KSR2: variants seen among roughly 807,000 people sequenced by gnomAD.
The protein encoded by KSR2 is kinase suppressor of ras 2.
KSR2 carries 25 observed loss-of-function variants against 107.8 expected under a neutral mutation model. The ratio of observed to expected loss-of-function variants is 0.23; its 90% confidence interval spans 0.17 to 0.32. The LOEUF (loss-of-function observed/expected upper bound fraction) is 0.32, where lower values mean the gene tolerates loss of function less well. Among genes scored for constraint, KSR2 ranks in the 10% least tolerant of loss-of-function variants. The pLI, the probability that KSR2 is intolerant of heterozygous loss-of-function variation, is 1.00. For synonymous variants in KSR2, 480 were observed against 507.0 expected (o/e 0.95, Z 0.71); for missense variants, 887 against 1,268.9 (o/e 0.70, Z 4.57).
rs1875016184 is a variant in KSR2 at position 117,524,959 on chromosome 12, G to C, written c.2112C>G (p.Leu704=). Residue 704 remains leucine (L), a synonymous_variant, in exon 14 of 20, where the codon CTC becomes CTG. Coordinates refer to ENST00000339824, the MANE Select transcript of KSR2 (RefSeq NM_173598.6). Reference sequence around the variant, plus strand: ...CCATCACCTCCCGCTTGAAGGCCTTGAGCTGGTCCTCGTTGTCCCTCTCAA... The same window carrying C: ...CCATCACCTCCCGCTTGAAGGCCTTCAGCTGGTCCTCGTTGTCCCTCTCAA... ...IDIERDNEDQ[L]KAFKREVMAY... is the part of the protein sequence containing the mutation. 6.2e-7 allele frequency: 1 copy of C among 1,613,906 alleles called. No individual in the cohort carries two copies. Among genetic ancestry groups the C allele is most frequent in the Non-Finnish European group, 8.5e-7 (1 of 1,179,866 alleles).
At chr12:117,727,865 G>A (rs1426528861) in intron 4 of KSR2, among the ~76,000 whole-genome samples, 1 of 152,166 alleles carries the variant, frequency 6.6e-6, no homozygotes, top group Non-Finnish European at 1.5e-5. Flanking sequence ...GAAAATATTA[G>A]TAATATGTAG....
At chr12:117,574,332 G>A (rs975087289) in intron 7 of KSR2, among the ~76,000 whole-genome samples, 1 of 152,060 alleles carries the variant, frequency 6.6e-6, no homozygotes. Context: ...AAACTTTAAT[G>A]TGCAAAAGAA....
At chr12:117,494,355 C>T (rs1408952143) in intron 14 of KSR2, among the ~76,000 whole-genome samples, 1 of 152,194 alleles carries the variant, frequency 6.6e-6, no homozygotes, top group Non-Finnish European at 1.5e-5. Flanking sequence ...CAAACCTGAG[C>T]AGGCACTAGA....
intron 4 of KSR2, among the ~76,000 whole-genome samples, chr12:117,692,523 TAC>T (rs58851377): frequency 1.6e-5 from 2 of 123,234 alleles, no homozygotes; most frequent in South Asian, 2.9e-4. Flanking sequence ...CACATATATA[TAC>T]ACACACACAT....
intron 1 of KSR2, among the ~76,000 whole-genome samples, chr12:117,863,899 C>T (rs1262325123): frequency 6.6e-6 from 1 of 152,184 alleles, no homozygotes; most frequent in African/African-American, 2.4e-5. Context: ...CCCTTACCCT[C>T]CTACTTCCCT....
intron 5 of KSR2, among the ~76,000 whole-genome samples, chr12:117,640,386 GATTA>G (rs1446900844): frequency 5.3e-5 from 8 of 152,050 alleles, no homozygotes; most frequent in Non-Finnish European, 1.5e-5. Context: ...CAGTAGCTGG[GATTA>G]CAGGCATGTG....
chr12:117,860,153 T>C, intron 2 of KSR2, 138 bp downstream of exon 2: 1 of 847,912 alleles, frequency 1.2e-6, no homozygotes, highest in Non-Finnish European at 1.8e-6. Flanking sequence ...AATGTTTTCG[T>C]CCAGCACATA....
intron 5 of KSR2, among the ~76,000 whole-genome samples, chr12:117,659,665 A>G (rs1239884002): frequency 6.6e-6 from 1 of 151,852 alleles, no homozygotes; most frequent in Non-Finnish European, 1.5e-5. Flanking sequence ...AGTCCTTCCT[A>G]CTCTCTAGCC....
intron 4 of KSR2, among the ~76,000 whole-genome samples, chr12:117,690,787 G>C (rs970969808): frequency 2.6e-5 from 4 of 152,176 alleles, no homozygotes; most frequent in Non-Finnish European, 5.9e-5. Flanking sequence ...ACAAAAACGA[G>C]TTGTCATCCT....
chr12:117,582,381 C>CT, intron 5 of KSR2, 22 bp from the exon 6 acceptor site: 1 of 1,599,748 alleles, frequency 6.3e-7, no homozygotes, highest in South Asian at 1.1e-5. Context: ...AGAGAACAGC[C>CT]TGTTACACAG....
chr12:117,770,351 A>T (rs1889393635), intron 3 of KSR2, among the ~76,000 whole-genome samples: 1 of 152,122 alleles, frequency 6.6e-6, no homozygotes, highest in South Asian at 2.1e-4. Flanking sequence ...CAAACCAAGG[A>T]GCACCAAGGA....
chr12:117,667,254 G>A (rs930232610), intron 5 of KSR2, among the ~76,000 whole-genome samples: 2 of 152,158 alleles, frequency 1.3e-5, no homozygotes, highest in Non-Finnish European at 2.9e-5. Flanking sequence ...CCTCCCCAGC[G>A]TCAGTTATGC....
intron 4 of KSR2, among the ~76,000 whole-genome samples, chr12:117,742,980 C>T (rs1476688284): frequency 1.3e-5 from 2 of 152,142 alleles, no homozygotes; most frequent in East Asian, 1.9e-4. Context: ...GTTTGATGAA[C>T]GCTTTCCTCG....
At chr12:117,924,487 A>C (rs1453414946) in intron 1 of KSR2, among the ~76,000 whole-genome samples, 1 of 147,460 alleles carries the variant, frequency 6.8e-6, no homozygotes, top group Non-Finnish European at 1.5e-5. Flanking sequence ...CAGGAGAATC[A>C]CTTGAACCCG....
intron 7 of KSR2, among the ~76,000 whole-genome samples, chr12:117,564,076 T>G (rs816182): frequency 0.51 from 78,151 of 152,030 alleles, 21,148 homozygotes; most frequent in South Asian, 0.64. Flanking sequence ...CCTTGGCTCC[T>G]CATGCTGTCA....
intron 3 of KSR2, among the ~76,000 whole-genome samples, chr12:117,802,910 A>G (rs1033978436): frequency 6.6e-6 from 1 of 152,218 alleles, no homozygotes; most frequent in African/African-American, 2.4e-5. Flanking sequence ...TCTGGGAGTA[A>G]TGGGATTTTT....
chr12:117,916,884 T>C lies in KSR2; in HGVS notation c.180+51192A>G, dbSNP rs539711766. On this transcript the variant is annotated intron_variant, in intron 1 of 19. Coordinates refer to ENST00000339824, the MANE Select transcript of KSR2 (RefSeq NM_173598.6). ...AACTGGTTTTGCAAAATAGATCGTA[T>C]TTAATGTTTGCAAATCTGTTTTGTC... Among the ~76,000 whole-genome samples, 4 of 152,364 alleles carry C rather than the reference T, an allele frequency of 2.6e-5. No individual in the cohort carries two copies. In the East Asian group the frequency reaches 7.7e-4, roughly 29 times the overall value.
chr12:117,615,287 G>A (rs1039057072), intron 5 of KSR2, among the ~76,000 whole-genome samples: 1 of 151,722 alleles, frequency 6.6e-6, no homozygotes, highest in Non-Finnish European at 1.5e-5. Flanking sequence ...AGAAAAATGT[G>A]TAGTGCTTTA....
chr12:117,779,094 C>T (rs1299518531), intron 3 of KSR2, among the ~76,000 whole-genome samples: 1 of 152,112 alleles, frequency 6.6e-6, no homozygotes, highest in Non-Finnish European at 1.5e-5. Flanking sequence ...GCTTATGAAG[C>T]CTTCAGAGCC....
Sources: gnomAD v4.1 joint callset for allele counts (sites outside exome capture counted in the v4.1 genomes callset) on GRCh38, gnomAD v4.1.1 for gene constraint, MANE v1.5 for transcripts, NCBI Gene and HGNC (gene_info 2026-07-23, HGNC 2026-07-21) for gene names.